The following PLEKHM2 variants were observed in gnomAD, a reference collection of about 807,000 sequenced individuals.
PLEKHM2 encodes pleckstrin homology and RUN domain containing M2.
Under a neutral mutation model 116.3 loss-of-function variants are expected in PLEKHM2, and 77 were observed. That is an observed-to-expected ratio of 0.66 (90% CI 0.55 to 0.80). PLEKHM2 has a LOEUF of 0.80. Among genes scored for constraint, PLEKHM2 ranks in the 30% least tolerant of loss-of-function variants. PLEKHM2 has a pLI of 0.00. For missense variants in PLEKHM2, 1,183 were observed against 1,354.9 expected, an observed-to-expected ratio of 0.87 and a Z score of 1.99; for synonymous variants, 562 against 571.0, an observed-to-expected ratio of 0.98 and a Z score of 0.22.
chr1:15,730,993 G>T (rs1321149101), intron 15 of PLEKHM2, among the ~76,000 whole-genome samples, 199 bp from the exon 16 acceptor site: 3 of 152,160 alleles, frequency 2.0e-5, no homozygotes, highest in African/African-American at 7.2e-5. Flanking sequence ...TGCGCCCCAG[G>T]TCTGCTGAGG....
At position 15,728,561 on chromosome 1, in the gene PLEKHM2, A is replaced by G; in HGVS notation, c.1922-108A>G. 1 of 1,087,470 alleles carries G rather than the reference A, an allele frequency of 9.2e-7. No individual in the cohort carries two copies. The highest frequency in any genetic ancestry group is 1.4e-6 in the Non-Finnish European group (1 of 730,292). The allele number at this position is 1,087,470 out of a possible 1,614,324, so 67.4% of individuals were successfully genotyped here. A position where few individuals can be genotyped will look rare whatever the true frequency, so the allele number is the denominator to read the frequency against. ...GCACTCCACGCCATTCTCCTACTGC[A>G]GGGCAAGGAGAGGCCCTCTAAGAGA... On this transcript the variant is annotated intron_variant, in intron 11 of 19. Coordinates refer to ENST00000375799, the MANE Select transcript of PLEKHM2 (RefSeq NM_015164.4). This position sits in a 1 kb window ranked among gnomAD's most constrained non-coding sequence, Gnocchi z 5.9.
intron 16 of PLEKHM2, 61 bp downstream of exon 16, chr1:15,731,318 G>C: frequency 7.9e-7 from 1 of 1,271,936 alleles, no homozygotes; most frequent in African/African-American, 1.5e-5. Flanking sequence ...TCCCTGGTTT[G>C]AGATGGCTGC....
At chr1:15,692,407 A>G (rs966761977) in intron 1 of PLEKHM2, among the ~76,000 whole-genome samples, 4 of 151,796 alleles carry the variant, frequency 2.6e-5, no homozygotes, top group Admixed American at 6.6e-5. Flanking sequence ...CTCAGTAGCT[A>G]TTTCCCTTCT....
chr1:15,710,006 C>T (rs1641299090), intron 1 of PLEKHM2, among the ~76,000 whole-genome samples: 1 of 151,880 alleles, frequency 6.6e-6, no homozygotes, highest in Non-Finnish European at 1.5e-5. Context: ...GGGCAGATCA[C>T]GAGGTCAGGA....
chr1:15,717,240 A>G (rs1641463952), intron 3 of PLEKHM2, among the ~76,000 whole-genome samples: 1 of 151,958 alleles, frequency 6.6e-6, no homozygotes, highest in Non-Finnish European at 1.5e-5. Context: ...AAAGAGTGAG[A>G]CCCCATCTCT....
chr1:15,688,643 C>CT (rs1158852047), intron 1 of PLEKHM2, among the ~76,000 whole-genome samples: 1 of 125,690 alleles, frequency 8.0e-6, no homozygotes, highest in Admixed American at 8.1e-5. Context: ...GAGGGAGACT[C>CT]TGTCTCAAAA....
chr1:15,726,997 C>T lies in PLEKHM2; in HGVS notation c.942-17C>T, dbSNP rs937970088. On this transcript the variant is annotated splice_polypyrimidine_tract_variant and intron_variant, in intron 8 of 19. Coordinates refer to ENST00000375799, the MANE Select transcript of PLEKHM2 (RefSeq NM_015164.4). ...ACTACTCAGGGGTTAACACTCTCCC[C>T]GTCGTTACTGTCCCAGGGTCACCAA... 8 of 1,444,240 alleles carry T rather than the reference C, an allele frequency of 5.5e-6. No individual in the cohort carries two copies. The Admixed American group carries it at 1.7e-4, about 30-fold the overall frequency. 89.5% of individuals were successfully genotyped at this position (1,444,240 alleles called of 1,614,324 possible). A position where few individuals can be genotyped will look rare whatever the true frequency, so the allele number is the denominator to read the frequency against.
At chr1:15,731,097 C>A (rs2068136065) in intron 15 of PLEKHM2, 95 bp from the exon 16 acceptor site, 1 of 889,018 alleles carries the variant, frequency 1.1e-6, no homozygotes, top group African/African-American at 1.7e-5. Context: ...TTCATGGCCG[C>A]AGCATGTGCG....
At chr1:15,701,450 A>G (rs987515658) in intron 1 of PLEKHM2, among the ~76,000 whole-genome samples, 2 of 150,650 alleles carry the variant, frequency 1.3e-5, no homozygotes, top group Non-Finnish European at 3.0e-5. Context: ...AGAAAAAAGA[A>G]AAAAAAAAGG....
chr1:15,704,322 C>T (rs1010449353), intron 1 of PLEKHM2, among the ~76,000 whole-genome samples: 17 of 151,846 alleles, frequency 1.1e-4, no homozygotes, highest in African/African-American at 4.1e-4. Flanking sequence ...CCCTTCCTCC[C>T]TTCCTTTCTT....
At position 15,729,272 on chromosome 1, in the gene PLEKHM2, G is replaced by A. The variant is rs1319535941; in HGVS notation, c.2075+82G>A. 8.4e-6 allele frequency: 10 copies of A among 1,196,014 alleles called. No individual in the cohort carries two copies. The highest frequency in any genetic ancestry group is 2.0e-4 in the Middle Eastern group (1 of 4,882). 74.1% of individuals were successfully genotyped at this position (1,196,014 alleles called of 1,614,324 possible). ...TGTGGGTGGCCTGGGGGTCAGGGGT[G>A]GAGGTGGAAAGTGGGAGATCCAGGA... On this transcript the variant is annotated intron_variant, in intron 13 of 19. Transcript: ENST00000375799. This position sits in a 1 kb window ranked among gnomAD's most constrained non-coding sequence, Gnocchi z 4.7.
intron 1 of PLEKHM2, among the ~76,000 whole-genome samples, chr1:15,704,857 C>G (rs1399085238): frequency 6.6e-6 from 1 of 152,236 alleles, no homozygotes; most frequent in Non-Finnish European, 1.5e-5. Flanking sequence ...CTGCCCACCT[C>G]GCTGGCTGTG....
Position 15,727,114 on chromosome 1 carries a change from C to T in PLEKHM2, c.1042C>T (p.Gln348Ter). 1 of 1,579,216 alleles carries T rather than the reference C, an allele frequency of 6.3e-7. No individual in the cohort carries two copies. Among genetic ancestry groups the T allele is most frequent in the South Asian group, 1.2e-5 (1 of 86,208 alleles). ...PACSQKKCAK[Q>*]GDGDSRNGSP... ...CTGCAGCCAGAAGAAATGTGCCAAG[C>T]AGGGGGACGGTGACAGCCGCAACGG... The change falls in exon 9 of 20, where the codon CAG becomes TAG. Residue 348 changes from glutamine (Q) to a stop codon, truncating the protein, a stop_gained. Coordinates refer to ENST00000375799, the MANE Select transcript of PLEKHM2 (RefSeq NM_015164.4). LOFTEE classifies it high-confidence loss of function. The surrounding 1 kb of genome is among the most constrained non-coding windows in gnomAD (Gnocchi z 7.5).
intron 1 of PLEKHM2, among the ~76,000 whole-genome samples, chr1:15,688,423 GGATGGATAACTTGA>G (rs556115397): frequency 1.1e-3 from 174 of 152,266 alleles, no homozygotes; most frequent in African/African-American, 4.1e-3. Flanking sequence ...AGGCCAAGGT[GGATGGATAACTTGA>G]GGCCAGAAGT....
At chr1:15,697,619 T>A (rs532613836) in intron 1 of PLEKHM2, among the ~76,000 whole-genome samples, 2 of 152,322 alleles carry the variant, frequency 1.3e-5, no homozygotes, top group East Asian at 3.9e-4. Context: ...AAAAATGAAA[T>A]GCACAGATAA....
chr1:15,728,274 G>C lies in PLEKHM2; in HGVS notation c.1838G>C (p.Arg613Pro), dbSNP rs747333897. Residue 613 changes from arginine to proline, a missense_variant, in exon 11 of 20, where the codon CGG (arginine) becomes CCG (proline). Physicochemically the swap from Arg to Pro is moderately radical, Grantham distance 103. This residue lies in a region of PLEKHM2 where 594 missense variants were observed against 720.1 expected (regional missense o/e 0.82). Transcript: ENST00000375799. This position sits in a 1 kb window ranked among gnomAD's most constrained non-coding sequence, Gnocchi z 5.9. Reference sequence around the variant, plus strand: ...GTCTGCTTCGGCCCCCAGATGATCCGGATGAGCACCGGGCACATGGAGGGC... The same window carrying C: ...GTCTGCTTCGGCCCCCAGATGATCCCGATGAGCACCGGGCACATGGAGGGC... Reference protein sequence around the residue: ...ENEEQLFKMIRMSTGHMEGNL... With the variant: ...ENEEQLFKMIPMSTGHMEGNL... 29 of 1,613,166 alleles carry C rather than the reference G, an allele frequency of 1.8e-5. No homozygotes were observed. Among genetic ancestry groups the C allele is most frequent in the African/African-American group, 2.7e-5 (2 of 74,938 alleles).
At position 15,723,426 on chromosome 1, in the gene PLEKHM2, C is replaced by T. The variant is rs1211572162; in HGVS notation, c.713-1891C>T. On this transcript the variant is annotated intron_variant, in intron 7 of 19. Transcript: ENST00000375799. ...ATTGCCTTTAGCCTCCTCTTTTGTC[C>T]TTATATTAAAAGACAGCAGACTTAA... The T allele has an allele frequency of 3.1e-4, 46 of 148,982 alleles. 1 individual carries two copies. In the Admixed American group the frequency reaches 3.1e-3, roughly 10 times the overall value. 9.2% of individuals were successfully genotyped at this position (148,982 alleles called of 1,614,324 possible).
At chr1:15,711,652 G>T (rs1641333045) in intron 1 of PLEKHM2, among the ~76,000 whole-genome samples, 2 of 151,758 alleles carry the variant, frequency 1.3e-5, no homozygotes, top group South Asian at 4.2e-4. Flanking sequence ...AGGCACTTCT[G>T]TAATCTTACA....
At chr1:15,711,520 C>T (rs747404206) in intron 1 of PLEKHM2, among the ~76,000 whole-genome samples, 11 of 150,988 alleles carry the variant, frequency 7.3e-5, no homozygotes, top group African/African-American at 1.7e-4. Flanking sequence ...GGGAGGCTGA[C>T]GCAGGAGAAT....
Sources: gnomAD v4.1 joint callset for allele counts (sites outside exome capture counted in the v4.1 genomes callset) on GRCh38, gnomAD v4.1.1 for gene constraint, gnomAD v4.1.1 regional missense constraint, Gnocchi (gnomAD v3.1) non-coding constraint, MANE v1.5 for transcripts, NCBI Gene and HGNC (gene_info 2026-07-23, HGNC 2026-07-21) for gene names.